The following MBOAT1 variants were observed in gnomAD, a reference collection of about 807,000 sequenced individuals.
MBOAT1 encodes membrane-bound glycerophospholipid O-acyltransferase 1.
Under a neutral mutation model 64.4 loss-of-function variants are expected in MBOAT1, and 67 were observed. The ratio of observed to expected loss-of-function variants is 1.04; its 90% CI spans 0.85 to 1.27. MBOAT1 has a LOEUF of 1.27. MBOAT1 is among the 50% of genes most tolerant of loss of function. MBOAT1 has a pLI of 0.00. For missense variants in MBOAT1, 563 were observed against 604.6 expected (o/e 0.93, Z 0.72); for synonymous variants, 229 against 218.9 (o/e 1.05, Z -0.41).
At chr6:20,130,301 G>A (rs1037974566) in intron 5 of MBOAT1, among the ~76,000 whole-genome samples, 7 of 152,164 alleles carry the variant, frequency 4.6e-5, no homozygotes, top group Non-Finnish European at 4.4e-5. Flanking sequence ...CCTGAGTGAA[G>A]AAAATGTTCA....
intron 1 of MBOAT1, among the ~76,000 whole-genome samples, chr6:20,172,089 A>T (rs954021075): frequency 6.6e-6 from 1 of 152,022 alleles, no homozygotes; most frequent in African/African-American, 2.4e-5. Context: ...AAGAAAAGGA[A>T]AAGAGAGAAG....
At chr6:20,184,820 A>G (rs555017) in intron 1 of MBOAT1, among the ~76,000 whole-genome samples, 86,698 of 151,118 alleles carry the variant, frequency 0.57, 25,698 homozygotes, top group Admixed American at 0.68. Flanking sequence ...CTAAATGTCT[A>G]CCTCGAACCA....
chr6:20,147,229 G>A (rs1198740582), intron 3 of MBOAT1, among the ~76,000 whole-genome samples: 2 of 152,238 alleles, frequency 1.3e-5, no homozygotes, highest in Admixed American at 1.3e-4. Context: ...TATCAGCAGT[G>A]TGAAAACAGA....
At chr6:20,204,326 C>T (rs906310544) in intron 1 of MBOAT1, among the ~76,000 whole-genome samples, 1 of 152,176 alleles carries the variant, frequency 6.6e-6, no homozygotes, top group Non-Finnish European at 1.5e-5. Context: ...AGCAGTTTAC[C>T]AAGTATCTAC....
intron 4 of MBOAT1, among the ~76,000 whole-genome samples, chr6:20,136,183 A>C (rs901524013): frequency 1.3e-5 from 2 of 152,192 alleles, no homozygotes; most frequent in African/African-American, 4.8e-5. Flanking sequence ...CAGGCTTCCT[A>C]GGGATGCAAC....
intron 1 of MBOAT1, among the ~76,000 whole-genome samples, chr6:20,198,809 T>G (rs1232371427): frequency 2.0e-5 from 3 of 152,234 alleles, no homozygotes; most frequent in African/African-American, 7.2e-5. Flanking sequence ...CCTCAGGATT[T>G]TCTCTGCAAT....
rs931370836 is a variant in MBOAT1 at position 20,099,788 on chromosome 6, C to T, written c.*2498G>A. On this transcript the variant is annotated 3_prime_UTR_variant, in exon 13 of 13. Transcript: ENST00000324607. Reference sequence around the variant, plus strand: ...TATGAACTGCATCTTATATTTAGGACAACTTGGAAATCTAAGGTAATAAAA... The same window carrying T: ...TATGAACTGCATCTTATATTTAGGATAACTTGGAAATCTAAGGTAATAAAA... Among the ~76,000 whole-genome samples, 2 of 152,090 alleles carry T rather than the reference C, an allele frequency of 1.3e-5. No homozygotes were observed. Among genetic ancestry groups the T allele is most frequent in the Non-Finnish European group, 2.9e-5 (2 of 68,036 alleles).
intron 1 of MBOAT1, among the ~76,000 whole-genome samples, chr6:20,154,350 T>C (rs1232972394): frequency 6.6e-6 from 1 of 152,084 alleles, no homozygotes; most frequent in Admixed American, 6.5e-5. Context: ...TGGCCAAACA[T>C]GGTAAAACCC....
At position 20,124,107 on chromosome 6, in the gene MBOAT1, C is replaced by T. The variant is rs1316145625; in HGVS notation, c.907+301G>A. On this transcript the variant is annotated intron_variant, in intron 8 of 12. Coordinates refer to ENST00000324607, the MANE Select transcript of MBOAT1 (RefSeq NM_001080480.3). ...ATTCCAGAATTTCCCCTCAACTTTC[C>T]ACTGCTTTACATGGCCAACTTTGAT... Among the ~76,000 whole-genome samples, 3 of 152,074 alleles carry T rather than the reference C, an allele frequency of 2.0e-5. No homozygotes were observed. In the East Asian group the frequency reaches 5.8e-4, roughly 29 times the overall value.
At position 20,184,880 on chromosome 6, in the gene MBOAT1, A is replaced by AGTGTGT. The variant is rs58865791; in HGVS notation, c.99+27250_99+27255dup. 8.9e-3 allele frequency among the ~76,000 whole-genome samples: 1,267 copies of AGTGTGT among 142,960 alleles called. 13 individuals carry two copies. The highest frequency in any genetic ancestry group is 0.028 in the African/African-American group (1,079 of 39,210). The allele number at this position is 142,960 out of a possible 152,430, so 93.8% of individuals were successfully genotyped here. A position where few individuals can be genotyped will look rare whatever the true frequency, so the allele number is the denominator to read the frequency against. ...TATATGTACCTAACATTATAACTGC[A>AGTGTGT]GTGTGTGTGTGTGTGTGTGTGTGTG... On this transcript the variant is annotated intron_variant, in intron 1 of 12. Coordinates refer to ENST00000324607, the MANE Select transcript of MBOAT1 (RefSeq NM_001080480.3).
intron 4 of MBOAT1, among the ~76,000 whole-genome samples, chr6:20,138,468 A>G (rs1761068203): frequency 6.6e-6 from 1 of 152,194 alleles, no homozygotes; most frequent in Non-Finnish European, 1.5e-5. Flanking sequence ...GTTGACAGGA[A>G]CTGATTTCCA....
Position 20,124,557 on chromosome 6 carries a change from A to G in MBOAT1, c.758T>C (p.Leu253Pro), listed in dbSNP as rs1226487959. ...HKLGITLVSLLLFLTLTKTFP... is the reference protein window; with the variant it reads ...HKLGITLVSLPLFLTLTKTFP... ...GGTCTTCGTTAGCGTCAAAAACAAA[A>G]GGAGAGACACCAAGGTGATGCCCAA... Residue 253 changes from leucine (L) to proline (P), a missense_variant, in exon 8 of 13, where the codon CTT (leucine) becomes CCT (proline). Physicochemically the swap from Leu to Pro is moderately conservative, Grantham distance 98. Coordinates refer to ENST00000324607, the MANE Select transcript of MBOAT1 (RefSeq NM_001080480.3). 4 of 1,614,112 alleles carry G rather than the reference A, an allele frequency of 2.5e-6. No homozygotes were observed. Among genetic ancestry groups the G allele is most frequent in the Non-Finnish European group, 3.4e-6 (4 of 1,180,038 alleles).
chr6:20,163,106 G>T (rs189946915), intron 1 of MBOAT1, among the ~76,000 whole-genome samples: 5 of 152,134 alleles, frequency 3.3e-5, no homozygotes, highest in African/African-American at 1.2e-4. Flanking sequence ...AAACGATTGT[G>T]CTGTCTCTTT....
chr6:20,206,588 TGACA>T (rs1763273280), intron 1 of MBOAT1, among the ~76,000 whole-genome samples: 1 of 152,186 alleles, frequency 6.6e-6, no homozygotes, highest in African/African-American at 2.4e-5. Context: ...GCTGAGTGCA[TGACA>T]GACAGCAGGC....
chr6:20,178,022 T>C (rs1460943397), intron 1 of MBOAT1, among the ~76,000 whole-genome samples: 1 of 152,158 alleles, frequency 6.6e-6, no homozygotes, highest in Non-Finnish European at 1.5e-5. Flanking sequence ...GCAAGACTCG[T>C]GTCCCACAGG....
chr6:20,157,317 T>C (rs1352648021), intron 1 of MBOAT1, among the ~76,000 whole-genome samples: 1 of 151,958 alleles, frequency 6.6e-6, no homozygotes, highest in East Asian at 1.9e-4. Context: ...GTTTATAAAG[T>C]ACCTGCCATA....
At chr6:20,126,128 C>T (rs1760641587) in intron 7 of MBOAT1, among the ~76,000 whole-genome samples, 1 of 152,182 alleles carries the variant, frequency 6.6e-6, no homozygotes, top group Non-Finnish European at 1.5e-5. Context: ...AAGAAAAACA[C>T]AGTAATTCCA....
intron 8 of MBOAT1, among the ~76,000 whole-genome samples, chr6:20,122,901 G>C (rs530982831): frequency 6.6e-6 from 1 of 151,986 alleles, no homozygotes; most frequent in Non-Finnish European, 1.5e-5. Flanking sequence ...GCGTGATCTC[G>C]GCTTACAGCA....
At chr6:20,119,714 G>C (rs1203720332) in intron 8 of MBOAT1, among the ~76,000 whole-genome samples, 1 of 152,206 alleles carries the variant, frequency 6.6e-6, no homozygotes, top group Non-Finnish European at 1.5e-5. Flanking sequence ...GTCGCCAACT[G>C]GATGGGAACC....
Sources: allele counts gnomAD v4.1 joint callset (sites outside exome capture counted in the v4.1 genomes callset), GRCh38; gene constraint gnomAD v4.1.1; transcripts MANE v1.5; gene names NCBI Gene and HGNC (gene_info 2026-07-23, HGNC 2026-07-21).